The following STAU2 variants were observed in gnomAD, a reference collection of about 807,000 sequenced individuals.
STAU2 encodes staufen double-stranded RNA binding protein 2.
A neutral mutation model predicts 65.9 loss-of-function variants in STAU2; 20 were observed. That is an observed-to-expected ratio of 0.30 (90% CI 0.21 to 0.44). STAU2 has a LOEUF of 0.44. Among genes scored for constraint, STAU2 ranks in the 20% least tolerant of loss-of-function variants. The probability of loss-of-function intolerance (pLI) is 1.00; values close to 1 mark genes in which losing one functional copy is unlikely to be tolerated. For missense variants in STAU2, 558 were observed against 683.9 expected, an observed-to-expected ratio of 0.82 and a Z score of 2.05; for synonymous variants, 232 against 233.9, an observed-to-expected ratio of 0.99 and a Z score of 0.07.
At chr8:73,582,877 C>CAA in intron 11 of STAU2, 47 bp from the exon 12 acceptor site, 1 of 1,508,508 alleles carries the variant, frequency 6.6e-7, no homozygotes, top group Non-Finnish European at 9.0e-7. Flanking sequence ...CAAGCTTATT[C>CAA]AAAAAGAAAA....
chr8:73,739,814 CT>C lies in STAU2; in HGVS notation c.-143del, dbSNP rs756748827. On this transcript the variant is annotated 5_prime_UTR_variant, in exon 2 of 15. Transcript: ENST00000524300. ...CTTTGAGTTCTTCTTTTTCTGTCTT[CT>C]TTTTTTTCTTCAATCTTTAAAAAGT... 1.2e-5 allele frequency: 18 copies of C among 1,510,946 alleles called. No homozygotes were observed. The South Asian group carries it at 1.7e-4, about 14-fold the overall frequency. 93.6% of individuals were successfully genotyped at this position (1,510,946 alleles called of 1,614,324 possible).
chr8:73,693,347 T>C (rs28415997), intron 4 of STAU2, among the ~76,000 whole-genome samples: 10,941 of 151,470 alleles, frequency 0.072, 433 homozygotes, highest in Middle Eastern at 0.14. Flanking sequence ...TGGTAGCAGG[T>C]GCCTGTAGTC....
chr8:73,505,386 T>A, intron 13 of STAU2, among the ~76,000 whole-genome samples: 1 of 151,944 alleles, frequency 6.6e-6, no homozygotes, highest in East Asian at 1.9e-4. Flanking sequence ...GTCAGGAACA[T>A]GGGAAATTTG....
intron 13 of STAU2, among the ~76,000 whole-genome samples, chr8:73,447,654 C>A (rs1466120557): frequency 1.3e-5 from 2 of 152,230 alleles, no homozygotes; most frequent in African/African-American, 2.4e-5. Flanking sequence ...AGGGCAGCTG[C>A]ATCCCCAAGG....
At chr8:73,541,464 A>G (rs1018955053) in intron 13 of STAU2, among the ~76,000 whole-genome samples, 5 of 152,216 alleles carry the variant, frequency 3.3e-5, no homozygotes, top group African/African-American at 1.2e-4. Context: ...CAAAACCAAA[A>G]TAAAAATATT....
At chr8:73,568,901 A>C (rs1427035265) in intron 12 of STAU2, among the ~76,000 whole-genome samples, 1 of 152,190 alleles carries the variant, frequency 6.6e-6, no homozygotes, top group Non-Finnish European at 1.5e-5. Flanking sequence ...TGCAGCTCCC[A>C]GTGTGAGCGA....
In STAU2 at chr8:73,507,868, T is replaced by C. The variant is rs981171344; in HGVS notation, c.1530+44144A>G. 8.5e-5 allele frequency among the ~76,000 whole-genome samples: 13 copies of C among 152,360 alleles called. No homozygotes were observed. In the South Asian group the frequency reaches 1.9e-3, roughly 22 times the overall value. On this transcript the variant is annotated intron_variant, in intron 13 of 14. Transcript: ENST00000524300. ...TGCTTCCCCTTACACTTTTATGTTATGGAGATGGTTTCTTTTCTTAAACCT... is the reference window on the plus strand; with the variant it reads ...TGCTTCCCCTTACACTTTTATGTTACGGAGATGGTTTCTTTTCTTAAACCT...
At chr8:73,555,040 T>C (rs780892000) in intron 12 of STAU2, among the ~76,000 whole-genome samples, 1 of 152,202 alleles carries the variant, frequency 6.6e-6, no homozygotes, top group Non-Finnish European at 1.5e-5. Flanking sequence ...CAACCAATAC[T>C]GTCCTGACCT....
At chr8:73,729,312 T>G (rs530665399) in intron 3 of STAU2, among the ~76,000 whole-genome samples, 3 of 152,218 alleles carry the variant, frequency 2.0e-5, no homozygotes, top group Admixed American at 6.5e-5. Flanking sequence ...AGTTTGCTAG[T>G]ATTTTGTTGA....
At chr8:73,518,789 TG>T (rs953218560) in intron 13 of STAU2, among the ~76,000 whole-genome samples, 14 of 152,264 alleles carry the variant, frequency 9.2e-5, no homozygotes, top group Middle Eastern at 3.4e-3. Context: ...GCTGTAATTT[TG>T]TTTAAGATAT....
At chr8:73,664,008 G>C (rs891105996) in intron 6 of STAU2, among the ~76,000 whole-genome samples, 6 of 152,050 alleles carry the variant, frequency 3.9e-5, no homozygotes, top group African/African-American at 1.4e-4. Context: ...TCCCCCATTT[G>C]TTTCTTCTTA....
At chr8:73,525,696 T>C (rs1010529414) in intron 13 of STAU2, among the ~76,000 whole-genome samples, 8 of 152,184 alleles carry the variant, frequency 5.3e-5, no homozygotes. Context: ...GAGGTGTGGG[T>C]TACTGATGTG....
intron 8 of STAU2, among the ~76,000 whole-genome samples, chr8:73,615,389 T>C (rs1232974604): frequency 3.3e-5 from 5 of 152,162 alleles, no homozygotes; most frequent in East Asian, 1.9e-4. Context: ...CCAAATCTTA[T>C]AGGATACCAC....
At chr8:73,550,486 T>C in intron 13 of STAU2, 2 of 986,214 alleles carry the variant, frequency 2.0e-6, no homozygotes, top group Non-Finnish European at 2.4e-6. Context: ...TTTGTTTCTA[T>C]AAGAATGCAG....
intron 5 of STAU2, among the ~76,000 whole-genome samples, chr8:73,676,965 A>G (rs1181799780): frequency 6.6e-6 from 1 of 152,218 alleles, no homozygotes; most frequent in Non-Finnish European, 1.5e-5. Flanking sequence ...CAATATACAT[A>G]TCTGATAAAT....
intron 13 of STAU2, among the ~76,000 whole-genome samples, chr8:73,450,136 T>C (rs1818726663): frequency 1.3e-5 from 2 of 152,198 alleles, no homozygotes; most frequent in African/African-American, 4.8e-5. Flanking sequence ...AAAATATGTA[T>C]TAATAAGTAA....
chr8:73,663,416 G>A (rs985575231), intron 6 of STAU2, among the ~76,000 whole-genome samples: 1 of 152,140 alleles, frequency 6.6e-6, no homozygotes, highest in African/African-American at 2.4e-5. Context: ...GCCAACTGCT[G>A]TTTTATTCTG....
intron 13 of STAU2, among the ~76,000 whole-genome samples, chr8:73,539,483 G>A (rs1010578040): frequency 6.6e-6 from 1 of 151,940 alleles, no homozygotes; most frequent in African/African-American, 2.4e-5. Context: ...ATATAATTAC[G>A]CAAAATAAAA....
chr8:73,515,344 G>C (rs1261365350), intron 13 of STAU2, among the ~76,000 whole-genome samples: 2 of 152,162 alleles, frequency 1.3e-5, no homozygotes, highest in Non-Finnish European at 1.5e-5. Context: ...ACAGTATCAG[G>C]GGACAGCCTG....
Sources: allele counts gnomAD v4.1 joint callset (sites outside exome capture counted in the v4.1 genomes callset), GRCh38; gene constraint gnomAD v4.1.1; transcripts MANE v1.5; gene names NCBI Gene and HGNC (gene_info 2026-07-23, HGNC 2026-07-21).